Variants in MSTO1 observed in about 807,000 individuals in gnomAD.
The protein encoded by MSTO1 is misato mitochondrial distribution and morphology regulator 1, also known as protein misato homolog 1.
Under a neutral mutation model 55.7 loss-of-function variants are expected in MSTO1, and 24 were observed. The observed-to-expected ratio is 0.43, with a 90% CI of 0.31 to 0.61. MSTO1 has a LOEUF of 0.61. Among genes scored for constraint, MSTO1 ranks in the 20% least tolerant of loss-of-function variants. The pLI is 0.09. For missense variants in MSTO1, 363 were observed against 625.7 expected, an observed-to-expected ratio of 0.58 and a Z score of 4.48; for synonymous variants, 162 against 252.8, an observed-to-expected ratio of 0.64 and a Z score of 3.41.
chr1:155,575,092 C>T, the MSTO1 span, among the ~76,000 whole-genome samples: 1 of 151,678 alleles, frequency 6.6e-6, no homozygotes, highest in Non-Finnish European at 1.5e-5. Flanking sequence ...CTCTCAAATT[C>T]CTGACCTCGG....
chr1:155,567,308 ATTTTTTTT>A, the MSTO1 span, among the ~76,000 whole-genome samples: 1 of 123,414 alleles, frequency 8.1e-6, no homozygotes, highest in African/African-American at 3.1e-5. Flanking sequence ...AATTTTTGTA[ATTTTTTTT>A]TTTTTTTTTT....
the MSTO1 span, among the ~76,000 whole-genome samples, chr1:155,578,102 A>T: frequency 1.2e-4 from 19 of 152,142 alleles, no homozygotes; most frequent in African/African-American, 3.1e-4. Flanking sequence ...ATATTTTTTT[A>T]AAAAAAGGAC....
chr1:155,608,592 C>T (rs1247497651), upstream of MSTO1, among the ~76,000 whole-genome samples: 2 of 151,022 alleles, frequency 1.3e-5, no homozygotes, highest in African/African-American at 2.4e-5. Context: ...CTCCGCCTCC[C>T]GGGTTCACGC....
chr1:155,575,533 C>T, the MSTO1 span, among the ~76,000 whole-genome samples: 1 of 151,966 alleles, frequency 6.6e-6, no homozygotes, highest in African/African-American at 2.4e-5. Context: ...GCCTCAGCCT[C>T]CCAGACCCAG....
rs1673853287 is a variant in MSTO1, at chr1:155,611,142, C to A, written c.290+34C>A. 7.0e-6 allele frequency: 9 copies of A among 1,285,964 alleles called. No homozygotes were observed. The East Asian group carries it at 2.0e-4, about 28-fold the overall frequency. 79.7% of individuals were successfully genotyped at this position (1,285,964 alleles called of 1,614,324 possible). A position where few individuals can be genotyped will look rare whatever the true frequency, so the allele number is the denominator to read the frequency against. On this transcript the variant is annotated intron_variant, in intron 3 of 13. Transcript: ENST00000245564. ...CTGATGTATGGATAAGGGTGGGGAT[C>A]GTGTATGTACGCAGAACGCTGGATA...
At chr1:155,587,446 A>C in the MSTO1 span, among the ~76,000 whole-genome samples, 1 of 148,390 alleles carries the variant, frequency 6.7e-6, no homozygotes, top group Non-Finnish European at 1.5e-5. Flanking sequence ...TCTCAAAAAA[A>C]AAAAAAAAAA....
Position 155,612,350 on chromosome 1 carries a change from A to T in MSTO1, c.813+34A>T, listed in dbSNP as rs769216992. 34 of 1,579,296 alleles carry T rather than the reference A, an allele frequency of 2.2e-5. No individual in the cohort carries two copies. The East Asian group carries it at 7.4e-4, about 34-fold the overall frequency. On this transcript the variant is annotated intron_variant, in intron 8 of 13. Coordinates refer to ENST00000245564, the MANE Select transcript of MSTO1 (RefSeq NM_018116.4). The stretch of plus-strand genomic sequence containing the variant: ...AACTTAGAGAAGTAAACAGTCACAC[A>T]GTGGGGAGGGAGAAATCAGAATCCC...
the MSTO1 span, among the ~76,000 whole-genome samples, chr1:155,580,780 G>A: frequency 6.6e-6 from 1 of 151,874 alleles, no homozygotes; most frequent in Non-Finnish European, 1.5e-5. Flanking sequence ...TTAGCCAAGT[G>A]TGGTGGCATG....
the MSTO1 span, among the ~76,000 whole-genome samples, chr1:155,593,464 T>C: frequency 2.0e-5 from 3 of 152,212 alleles, no homozygotes; most frequent in African/African-American, 7.2e-5. Context: ...TGAATTCTGG[T>C]TCACCATCTA....
At chr1:155,563,733 A>C in the MSTO1 span, 1 of 361,194 alleles carries the variant, frequency 2.8e-6, no homozygotes, top group Non-Finnish European at 5.5e-6. Flanking sequence ...CAAAAAGTGT[A>C]CATAAAAATT....
At chr1:155,599,052 G>A in the MSTO1 span, 2 of 511,762 alleles carry the variant, frequency 3.9e-6, no homozygotes, top group South Asian at 2.2e-5. Flanking sequence ...GCTCATGCCT[G>A]TAATCCCAGC....
chr1:155,566,897 G>T, the MSTO1 span, among the ~76,000 whole-genome samples: 1 of 152,028 alleles, frequency 6.6e-6, no homozygotes, highest in African/African-American at 2.4e-5. Flanking sequence ...TTACAGGTGT[G>T]AGCCACCACA....
At chr1:155,609,904 G>T, upstream of MSTO1, 1 of 319,756 alleles carries the variant, frequency 3.1e-6, no homozygotes, top group Non-Finnish European at 5.9e-6. Context: ...TGTGAGAAGG[G>T]ATAAGACCTC....
chr1:155,613,194 C>G lies in MSTO1; in HGVS notation c.1244C>G (p.Ser415Ter). Reference protein sequence around the residue: ...EPSGTRCFAQSVVLRGIDRAC... With the variant: ...EPSGTRCFAQ ...TCTGGAACACGTTGCTTTGCCCAGT[C>G]AGTGGTGCTGAGGGGTATAGACAGA... Residue 415 changes from serine to a stop codon, truncating the protein, a stop_gained, in exon 11 of 14, where the codon TCA (serine) becomes TGA (stop). Transcript: ENST00000245564. LOFTEE classifies it high-confidence loss of function. The G allele has an allele frequency of 6.2e-7, 1 of 1,614,144 alleles. No individual in the cohort carries two copies. Among genetic ancestry groups the G allele is most frequent in the African/African-American group, 1.3e-5 (1 of 75,030 alleles).
chr1:155,579,009 T>A, the MSTO1 span, among the ~76,000 whole-genome samples: 1 of 151,370 alleles, frequency 6.6e-6, no homozygotes, highest in Non-Finnish European at 1.5e-5. Flanking sequence ...GAAGATGGCT[T>A]GTAAAACCCA....
the MSTO1 span, chr1:155,586,721 G>A: frequency 4.0e-6 from 2 of 496,426 alleles, no homozygotes; most frequent in African/African-American, 2.0e-5. Flanking sequence ...TGGACTGACG[G>A]CTGATCTGAA....
rs748560274 is a variant in MSTO1 at position 155,611,294 on chromosome 1, G to A, written c.366+3G>A. The A allele has an allele frequency of 8.7e-6, 14 of 1,613,568 alleles. No homozygotes were observed. The highest frequency in any genetic ancestry group is 1.2e-5 in the Non-Finnish European group (14 of 1,179,810). ...TCCAAGACTTTCTGAGTGCAGAGGT[G>A]AGGGCCTCTGTCCTGAACTTTTTAA... On this transcript the variant is annotated splice_donor_region_variant and intron_variant, in intron 4 of 13. Transcript: ENST00000245564.
chr1:155,603,598 C>T, the MSTO1 span, among the ~76,000 whole-genome samples: 2 of 152,282 alleles, frequency 1.3e-5, no homozygotes, highest in South Asian at 4.1e-4. Context: ...TGGCTCACGT[C>T]TGTAATCCCA....
chr1:155,580,417 C>T, the MSTO1 span, among the ~76,000 whole-genome samples: 1 of 151,976 alleles, frequency 6.6e-6, no homozygotes. Flanking sequence ...CACCTGTGGT[C>T]CCAGTTACTT....
Sources: gnomAD v4.1 joint callset for allele counts (sites outside exome capture counted in the v4.1 genomes callset) on GRCh38, gnomAD v4.1.1 for gene constraint, MANE v1.5 for transcripts, NCBI Gene and HGNC (gene_info 2026-07-23, HGNC 2026-07-21) for gene names.